The following SRPK2 variants were observed in gnomAD, a reference collection of about 807,000 sequenced individuals.
SRPK2 encodes the protein SFRS protein kinase 2.
A neutral mutation model predicts 90.8 loss-of-function variants in SRPK2; 21 were observed. That is an observed-to-expected ratio of 0.23 (90% CI 0.16 to 0.33). The LOEUF (loss-of-function observed/expected upper bound fraction) is 0.33, where lower values mean the gene tolerates loss of function less well. SRPK2 is among the 10% of genes least tolerant of loss of function. The probability of loss-of-function intolerance (pLI) is 1.00; values close to 1 mark genes in which losing one functional copy is unlikely to be tolerated. For missense variants in SRPK2, 620 were observed against 869.0 expected, an observed-to-expected ratio of 0.71 and a Z score of 3.60; for synonymous variants, 288 against 311.1, an observed-to-expected ratio of 0.93 and a Z score of 0.78.
chr7:105,383,292 C>T (rs1356824216), intron 2 of SRPK2, among the ~76,000 whole-genome samples: 1 of 151,134 alleles, frequency 6.6e-6, no homozygotes, highest in Admixed American at 6.6e-5. Flanking sequence ...TGGTCTCGAT[C>T]TCCTGACCTC....
intron 2 of SRPK2, among the ~76,000 whole-genome samples, chr7:105,258,749 T>C (rs1482267410): frequency 6.6e-6 from 1 of 152,162 alleles, no homozygotes; most frequent in Admixed American, 6.5e-5. Context: ...TCAACAAACG[T>C]AATCCATCAC....
rs1303539162 is a variant in SRPK2 at position 105,350,524 on chromosome 7, TTTTTC to T, written c.71+38119_71+38123del. The stretch of plus-strand genomic sequence containing the variant: ...AATAACCCTGTGGTTGCTACAATTT[TTTTTC>T]TTTTTTTTTTTTTTTTGAGACGGAA... On this transcript the variant is annotated intron_variant, in intron 2 of 15. Transcript: ENST00000393651. Among the ~76,000 whole-genome samples, 7 of 104,288 alleles carry T rather than the reference TTTTTC, an allele frequency of 6.7e-5. No individual in the cohort carries two copies. In the South Asian group the frequency reaches 1.3e-3, roughly 19 times the overall value. The allele number at this position is 104,288 out of a possible 152,430, so 68.4% of individuals were successfully genotyped here.
chr7:105,191,288 G>A (rs563385863), intron 3 of SRPK2, among the ~76,000 whole-genome samples: 9 of 152,100 alleles, frequency 5.9e-5, no homozygotes, highest in Admixed American at 6.6e-5. Context: ...TTTAAAATCC[G>A]CCAGGCATGG....
intron 2 of SRPK2, chr7:105,306,327 C>G: frequency 2.9e-6 from 1 of 346,280 alleles, no homozygotes; most frequent in Non-Finnish European, 5.5e-6. Context: ...GACGGATCAT[C>G]TCTGAATACC....
At chr7:105,376,752 G>C (rs949520287) in intron 2 of SRPK2, among the ~76,000 whole-genome samples, 2 of 151,168 alleles carry the variant, frequency 1.3e-5, no homozygotes, top group African/African-American at 4.9e-5. Flanking sequence ...TGGCCAGGCT[G>C]GTCTCGAACT....
intron 2 of SRPK2, among the ~76,000 whole-genome samples, chr7:105,233,844 T>G (rs1010390389): frequency 1.3e-5 from 2 of 151,524 alleles, no homozygotes; most frequent in Non-Finnish European, 2.9e-5. Flanking sequence ...ACAGCAAGAC[T>G]CCGTCTCAAA....
At chr7:105,125,743 AGAC>A in intron 15 of SRPK2, 3 of 942,258 alleles carry the variant, frequency 3.2e-6, no homozygotes, top group Non-Finnish European at 4.4e-6. Flanking sequence ...TTTTGGGAGA[AGAC>A]TATGCTGAAA....
intron 2 of SRPK2, among the ~76,000 whole-genome samples, chr7:105,255,325 G>C (rs1803115640): frequency 6.6e-6 from 1 of 151,732 alleles, no homozygotes; most frequent in African/African-American, 2.4e-5. Context: ...ACCCGTATCT[G>C]CGTGTGCATC....
chr7:105,248,190 T>C (rs1422870085), intron 2 of SRPK2, among the ~76,000 whole-genome samples: 1 of 152,114 alleles, frequency 6.6e-6, no homozygotes, highest in Non-Finnish European at 1.5e-5. Context: ...CGGAAAAGGT[T>C]GGTACTACTT....
At chr7:105,276,211 G>C (rs1374361621) in intron 2 of SRPK2, among the ~76,000 whole-genome samples, 1 of 151,740 alleles carries the variant, frequency 6.6e-6, no homozygotes, top group African/African-American at 2.4e-5. Flanking sequence ...CTCCTGAGTA[G>C]TTACAACTAC....
chr7:105,324,898 T>C (rs1238813273), intron 2 of SRPK2, among the ~76,000 whole-genome samples: 2 of 152,074 alleles, frequency 1.3e-5, no homozygotes, highest in Non-Finnish European at 2.9e-5. Context: ...AAATAAAAAT[T>C]AAAATTAAAA....
At chr7:105,206,146 C>T (rs1019828492) in intron 2 of SRPK2, among the ~76,000 whole-genome samples, 2 of 152,118 alleles carry the variant, frequency 1.3e-5, no homozygotes, top group Non-Finnish European at 2.9e-5. Context: ...ACACAGCCCC[C>T]CACCCCCACC....
intron 2 of SRPK2, among the ~76,000 whole-genome samples, chr7:105,227,878 C>G (rs1183044656): frequency 1.2e-5 from 1 of 83,250 alleles, no homozygotes; most frequent in East Asian, 3.5e-4. Context: ...ATCCACAAAA[C>G]AGAGTATCAT....
At chr7:105,347,264 G>C (rs2131992010) in intron 2 of SRPK2, among the ~76,000 whole-genome samples, 1 of 152,056 alleles carries the variant, frequency 6.6e-6, no homozygotes, top group South Asian at 2.1e-4. Flanking sequence ...GTCTTGCTAT[G>C]TTGCCCAGGC....
At chr7:105,210,589 T>C (rs747100324) in intron 2 of SRPK2, among the ~76,000 whole-genome samples, 4 of 152,176 alleles carry the variant, frequency 2.6e-5, no homozygotes, top group Non-Finnish European at 5.9e-5. Context: ...AACCTAAATG[T>C]GCAATGACCC....
chr7:105,287,387 T>C (rs1315319470), intron 2 of SRPK2, among the ~76,000 whole-genome samples: 1 of 151,874 alleles, frequency 6.6e-6, no homozygotes, highest in Admixed American at 6.6e-5. Context: ...ATCATTGTTA[T>C]AGATATTTCA....
At chr7:105,146,466 G>T (rs1804644527) in intron 8 of SRPK2, 27 bp downstream of exon 8, 1 of 1,611,050 alleles carries the variant, frequency 6.2e-7, no homozygotes, top group Non-Finnish European at 8.5e-7. Context: ...CCCCCACACT[G>T]AAATGAAGCT....
At chr7:105,269,919 T>C (rs572875552) in intron 2 of SRPK2, among the ~76,000 whole-genome samples, 1 of 152,296 alleles carries the variant, frequency 6.6e-6, no homozygotes, top group South Asian at 2.1e-4. Flanking sequence ...AAAAAATAAA[T>C]TAGTGCCAAT....
intron 2 of SRPK2, among the ~76,000 whole-genome samples, chr7:105,378,015 C>T (rs560940204): frequency 3.9e-4 from 59 of 152,124 alleles, no homozygotes; most frequent in South Asian, 3.5e-3. Context: ...TGAGTGTGTA[C>T]CCCTTAACAG....
Sources: allele counts gnomAD v4.1 joint callset (sites outside exome capture counted in the v4.1 genomes callset), GRCh38; gene constraint gnomAD v4.1.1; transcripts MANE v1.5; gene names NCBI Gene and HGNC (gene_info 2026-07-23, HGNC 2026-07-21).